The following FABP12 variants were observed in gnomAD, a reference collection of about 807,000 sequenced individuals.
FABP12 encodes fatty acid-binding protein 12.
In FABP12, 19 loss-of-function variants were observed where a neutral mutation model predicts 13.7. The observed-to-expected ratio is 1.39, with a 90% CI of 0.97 to 2.04. FABP12 has a LOEUF of 2.04. FABP12 is among the 30% of genes most tolerant of loss of function. The probability of loss-of-function intolerance (pLI) is 0.00; values close to 1 mark genes in which losing one functional copy is unlikely to be tolerated. For synonymous variants in FABP12, 61 were observed against 57.0 expected (o/e 1.07, Z -0.32); for missense variants, 182 against 164.2 (o/e 1.11, Z -0.59).
intron 1 of FABP12, among the ~76,000 whole-genome samples, chr8:81,559,963 T>C (rs1399190218): frequency 1.3e-5 from 2 of 152,194 alleles, no homozygotes; most frequent in Non-Finnish European, 2.9e-5. Flanking sequence ...TATCATTATA[T>C]GGGAAAATAA....
At chr8:81,546,497 CAAA>C (rs544166796) in intron 1 of FABP12, among the ~76,000 whole-genome samples, 1 of 111,716 alleles carries the variant, frequency 9.0e-6, no homozygotes. Context: ...ACTAAAAATA[CAAA>C]AAAAAAAAAA....
intron 1 of FABP12, among the ~76,000 whole-genome samples, chr8:81,588,177 C>A (rs1810271095): frequency 6.6e-6 from 1 of 152,182 alleles, no homozygotes; most frequent in Non-Finnish European, 1.5e-5. Context: ...CTCTCACAGA[C>A]ACACCCAGGA....
chr8:81,543,225 G>A lies in FABP12; in HGVS notation c.-184-3482C>T, dbSNP rs144812911. Among the ~76,000 whole-genome samples, 231 of 152,264 alleles carry A rather than the reference G, an allele frequency of 1.5e-3. 1 individual carries two copies. Among genetic ancestry groups the A allele is most frequent in the African/African-American group, 5.4e-3 (225 of 41,554 alleles). On this transcript the variant is annotated intron_variant, in intron 1 of 5. Coordinates refer to the FABP12 transcript ENST00000692030. ...GAAACTAATTAGCTTCAGGCTAGGC[G>A]GTATGTGAGTAATTTATCCCTCCCA... is the stretch of plus-strand genomic sequence containing the variant.
chr8:81,571,077 C>A (rs1809923397), intron 1 of FABP12, among the ~76,000 whole-genome samples: 1 of 152,108 alleles, frequency 6.6e-6, no homozygotes, highest in African/African-American at 2.4e-5. Context: ...ACCCCACTTA[C>A]ACTTGTGGGT....
At chr8:81,567,986 G>T (rs1029991386) in intron 1 of FABP12, among the ~76,000 whole-genome samples, 1 of 152,122 alleles carries the variant, frequency 6.6e-6, no homozygotes, top group African/African-American at 2.4e-5. Flanking sequence ...AGCCGGGCGC[G>T]GTGGCGGGCT....
At chr8:81,587,214 A>T (rs1810253787) in intron 1 of FABP12, among the ~76,000 whole-genome samples, 1 of 152,126 alleles carries the variant, frequency 6.6e-6, no homozygotes, top group South Asian at 2.1e-4. Flanking sequence ...TATAGTTTGA[A>T]ATTGGGTAAT....
upstream of FABP12, among the ~76,000 whole-genome samples, chr8:81,537,016 C>T (rs1458246929): frequency 6.6e-6 from 1 of 152,146 alleles, no homozygotes; most frequent in East Asian, 1.9e-4. Context: ...CATAACTTAA[C>T]AACTACTATA....
intron 1 of FABP12, among the ~76,000 whole-genome samples, chr8:81,546,813 C>T (rs557693180): frequency 1.1e-4 from 16 of 152,100 alleles, no homozygotes; most frequent in Non-Finnish European, 2.4e-4. Flanking sequence ...TATTTTGTTT[C>T]GACGTCTTCA....
At position 81,562,463 on chromosome 8, in the gene FABP12, G is replaced by A. The variant is rs115603382; in HGVS notation, c.-184-22720C>T. Among the ~76,000 whole-genome samples, 384 of 152,284 alleles carry A rather than the reference G, an allele frequency of 2.5e-3. 1 individual carries two copies. Among genetic ancestry groups the A allele is most frequent in the African/African-American group, 8.8e-3 (365 of 41,570 alleles). ...GCCACAGTAGGGTAGAACACCAGGT[G>A]TCATCTTGGGGTTCCCAATTCTAGG... On this transcript the variant is annotated intron_variant, in intron 1 of 5. Coordinates refer to the FABP12 transcript ENST00000692030.
intron 3 of FABP12, 49 bp downstream of exon 3, chr8:81,529,389 T>C: frequency 6.3e-7 from 1 of 1,576,506 alleles, no homozygotes; most frequent in Non-Finnish European, 8.7e-7. Flanking sequence ...GGATGATATC[T>C]GACTAACATT....
chr8:81,587,087 A>G (rs914375179), intron 1 of FABP12, among the ~76,000 whole-genome samples: 6 of 152,132 alleles, frequency 3.9e-5, no homozygotes, highest in African/African-American at 1.4e-4. Flanking sequence ...GGCTTTATTG[A>G]AGATCAGATG....
intron 1 of FABP12, among the ~76,000 whole-genome samples, chr8:81,571,210 G>A (rs918804391): frequency 6.6e-6 from 1 of 152,220 alleles, no homozygotes; most frequent in African/African-American, 2.4e-5. Flanking sequence ...CTGGGAGCAG[G>A]AGAGAGGCCA....
At chr8:81,554,743 AAAG>A (rs758628145) in intron 1 of FABP12, among the ~76,000 whole-genome samples, 15 of 152,144 alleles carry the variant, frequency 9.9e-5, no homozygotes, top group Non-Finnish European at 2.1e-4. Flanking sequence ...GGCCCCATTG[AAAG>A]AAGAATTGTC....
At chr8:81,578,331 T>C (rs1810088567) in intron 1 of FABP12, among the ~76,000 whole-genome samples, 1 of 152,204 alleles carries the variant, frequency 6.6e-6, no homozygotes, top group Admixed American at 6.5e-5. Flanking sequence ...TCCTATGTAA[T>C]CATTCTGTGA....
At chr8:81,561,018 C>A (rs191378972) in intron 1 of FABP12, among the ~76,000 whole-genome samples, 2 of 152,298 alleles carry the variant, frequency 1.3e-5, no homozygotes, top group African/African-American at 2.4e-5. Flanking sequence ...ACTTCTCATC[C>A]CACTCTATGT....
At chr8:81,534,726 T>C (rs1300248935), upstream of FABP12, among the ~76,000 whole-genome samples, 3 of 152,128 alleles carry the variant, frequency 2.0e-5, no homozygotes, top group African/African-American at 7.2e-5. Context: ...GAGGATCACC[T>C]GGGGTCAGGA....
At chr8:81,551,593 G>A (rs1204305330) in intron 1 of FABP12, among the ~76,000 whole-genome samples, 1 of 152,182 alleles carries the variant, frequency 6.6e-6, no homozygotes, top group African/African-American at 2.4e-5. Flanking sequence ...ACTGAATCTT[G>A]TGACACAAAG....
At chr8:81,553,864 G>A (rs182711166) in intron 1 of FABP12, among the ~76,000 whole-genome samples, 2 of 152,234 alleles carry the variant, frequency 1.3e-5, no homozygotes, top group Admixed American at 1.3e-4. Flanking sequence ...GATGCTACAG[G>A]GTCACTGTTC....
intron 1 of FABP12, among the ~76,000 whole-genome samples, chr8:81,587,665 C>A (rs1810262900): frequency 6.6e-6 from 1 of 151,914 alleles, no homozygotes. Flanking sequence ...AGAAATGCTA[C>A]TAATTTTTGT....
Sources: allele counts gnomAD v4.1 joint callset (sites outside exome capture counted in the v4.1 genomes callset), GRCh38; gene constraint gnomAD v4.1.1; transcripts MANE v1.5; gene names NCBI Gene and HGNC (gene_info 2026-07-23, HGNC 2026-07-21).